Variants in ZNF558 observed in about 807,000 individuals in gnomAD.
ZNF558 encodes zinc finger protein 558.
Under a neutral mutation model 37.6 loss-of-function variants are expected in ZNF558, and 23 were observed. That is an observed-to-expected ratio of 0.61 (90% CI 0.44 to 0.87). The LOEUF is 0.87. ZNF558 is among the 40% of genes least tolerant of loss of function. ZNF558 has a pLI of 0.00. For missense variants in ZNF558, 429 were observed against 483.7 expected, an observed-to-expected ratio of 0.89 and a Z score of 1.06; for synonymous variants, 189 against 174.4, an observed-to-expected ratio of 1.08 and a Z score of -0.66.
intron 2 of ZNF558, among the ~76,000 whole-genome samples, chr19:8,826,545 A>C (rs2044235877): frequency 1.3e-5 from 2 of 152,072 alleles, no homozygotes; most frequent in African/African-American, 2.4e-5. Flanking sequence ...TGAGAATCGA[A>C]TGCTGCCACT....
Position 8,813,155 on chromosome 19 carries a change from T to C in ZNF558, c.315A>G (p.Glu105=), listed in dbSNP as rs149676933. Residue 105 remains glutamate, a synonymous_variant, in exon 8 of 10, where the codon GAA becomes GAG. Coordinates refer to ENST00000601372, the MANE Select transcript of ZNF558 (RefSeq NM_144693.3). ...GACAGGTGCTTGGTAGAATTCCTCT[T>C]TCCTCTGTCACCACCTTCTTGTCTT... ...LEQDKKVVTE[E]RGILPSTCPD... 3 of 1,597,008 alleles carry C rather than the reference T, an allele frequency of 1.9e-6. No homozygotes were observed. The African/African-American group carries it at 4.0e-5, about 21-fold the overall frequency.
chr19:8,834,712 A>G (rs1418931546), upstream of ZNF558, among the ~76,000 whole-genome samples: 4 of 152,240 alleles, frequency 2.6e-5, no homozygotes, highest in South Asian at 6.2e-4. Context: ...CACACCATGT[A>G]CAAAAGTGAG....
At chr19:8,813,937 T>C (rs1337368852) in intron 7 of ZNF558, among the ~76,000 whole-genome samples, 3 of 152,216 alleles carry the variant, frequency 2.0e-5, no homozygotes, top group Non-Finnish European at 4.4e-5. Context: ...CCCAAGTCAC[T>C]GCACAGACCT....
rs1555766317 is a variant in ZNF558 at position 8,806,233 on chromosome 19, G to C, written c.*5048C>G. On this transcript the variant is annotated 3_prime_UTR_variant, in exon 10 of 10. Transcript: ENST00000601372. ...ACATAAAAGTTGTAAAACTATACAG[G>C]GTTGTTTTATACAGTCAGTACTGAT... 1.3e-5 allele frequency: 2 copies of C among 152,058 alleles called. No homozygotes were observed. The highest frequency in any genetic ancestry group is 4.8e-5 in the African/African-American group (2 of 41,388). The allele number at this position is 152,058 out of a possible 1,614,324, so 9.4% of individuals were successfully genotyped here.
chr19:8,816,633 C>A (rs976282650), intron 7 of ZNF558, among the ~76,000 whole-genome samples: 1 of 152,138 alleles, frequency 6.6e-6, no homozygotes, highest in South Asian at 2.1e-4. Flanking sequence ...GTCACTATTA[C>A]ATCTACCCTA....
rs945772403 is a variant in ZNF558 at position 8,822,941 on chromosome 19, A to C, written c.-65-217T>G. On this transcript the variant is annotated intron_variant, in intron 4 of 9. Coordinates refer to ENST00000601372, the MANE Select transcript of ZNF558 (RefSeq NM_144693.3). The surrounding 1 kb of genome is among the most constrained non-coding windows in gnomAD (Gnocchi z 4.4). Reference sequence around the variant, plus strand: ...CAACACAACGACCAGTACCTCCCTGACCCACCCGCTTTGAGAACCTCGGCT... The same window carrying C: ...CAACACAACGACCAGTACCTCCCTGCCCCACCCGCTTTGAGAACCTCGGCT... 3.5e-5 allele frequency: 17 copies of C among 486,932 alleles called. No homozygotes were observed. Among genetic ancestry groups the C allele is most frequent in the African/African-American group, 7.7e-5 (4 of 51,622 alleles). The allele number at this position is 486,932 out of a possible 1,614,324, so 30.2% of individuals were successfully genotyped here. A position where few individuals can be genotyped will look rare whatever the true frequency, so the allele number is the denominator to read the frequency against.
At chr19:8,821,345 C>T in intron 6 of ZNF558, 39 bp from the exon 7 acceptor site, 9 of 1,614,134 alleles carry the variant, frequency 5.6e-6, no homozygotes, top group Non-Finnish European at 7.6e-6. Flanking sequence ...CCAAGGACCA[C>T]CCCCACCAAC....
At chr19:8,813,546 A>C (rs181358842) in intron 7 of ZNF558, among the ~76,000 whole-genome samples, 33 of 152,204 alleles carry the variant, frequency 2.2e-4, no homozygotes, top group Non-Finnish European at 3.5e-4. Flanking sequence ...TTTAGTAGAG[A>C]CGGGGTTTCA....
chr19:8,817,236 C>A (rs186307905), intron 7 of ZNF558, among the ~76,000 whole-genome samples: 324 of 152,226 alleles, frequency 2.1e-3, no homozygotes, highest in African/African-American at 7.6e-3. Flanking sequence ...TAAAAAATAA[C>A]CCAATTACAG....
upstream of ZNF558, among the ~76,000 whole-genome samples, chr19:8,834,628 CA>C (rs112624934): frequency 5.8e-5 from 8 of 138,336 alleles, no homozygotes; most frequent in South Asian, 2.4e-4. Flanking sequence ...AAACCAAAAC[CA>C]AAAAAAAACA....
At position 8,813,236 on chromosome 19, in the gene ZNF558, C is replaced by T. The variant is rs1555769083; in HGVS notation, c.248-14G>A. ...TAACACGACACCCTATTTATGGAAA[C>T]AATACACATGATATAGGTAACAGTG... On this transcript the variant is annotated splice_polypyrimidine_tract_variant and intron_variant, in intron 7 of 9. Coordinates refer to ENST00000601372, the MANE Select transcript of ZNF558 (RefSeq NM_144693.3). 1.3e-6 allele frequency: 2 copies of T among 1,567,386 alleles called. No homozygotes were observed. The highest frequency in any genetic ancestry group is 2.7e-5 in the African/African-American group (2 of 74,268).
rs1176425521 is a variant in ZNF558 at position 8,809,309 on chromosome 19, G to A, written c.*1972C>T. 2.0e-5 allele frequency: 3 copies of A among 152,216 alleles called. No individual in the cohort carries two copies. Among genetic ancestry groups the A allele is most frequent in the Non-Finnish European group, 4.4e-5 (3 of 68,048 alleles). 9.4% of individuals were successfully genotyped at this position (152,216 alleles called of 1,614,324 possible). Reference sequence around the variant, plus strand: ...ATGTGAGGAGAACAAGCCAGGAGATGTTCCACACAGTGACTTCGACTTACT... The same window carrying A: ...ATGTGAGGAGAACAAGCCAGGAGATATTCCACACAGTGACTTCGACTTACT... On this transcript the variant is annotated 3_prime_UTR_variant, in exon 10 of 10. Transcript: ENST00000601372.
chr19:8,822,749 G>A lies in ZNF558; in HGVS notation c.-65-25C>T. 1.2e-6 allele frequency: 2 copies of A among 1,601,674 alleles called. No homozygotes were observed. Among genetic ancestry groups the A allele is most frequent in the Non-Finnish European group, 1.7e-6 (2 of 1,171,612 alleles). On this transcript the variant is annotated intron_variant, in intron 4 of 9. Transcript: ENST00000601372. This position sits in a 1 kb window ranked among gnomAD's most constrained non-coding sequence, Gnocchi z 4.4. ...TCTGGAAGAAACGGGAATGCTCCAA[G>A]TCTCCGTGGCCTCCTCCCTCTCGGG...
upstream of ZNF558, among the ~76,000 whole-genome samples, chr19:8,835,296 C>T (rs991038369): frequency 6.6e-6 from 1 of 152,110 alleles, no homozygotes; most frequent in Non-Finnish European, 1.5e-5. Flanking sequence ...AAGTGATCTG[C>T]CCACCTTGGC....
At chr19:8,826,375 A>T (rs2044231915) in intron 2 of ZNF558, among the ~76,000 whole-genome samples, 1 of 151,938 alleles carries the variant, frequency 6.6e-6, no homozygotes. Context: ...TCACCATAAT[A>T]TAGAGTCAGT....
At chr19:8,827,344 T>C (rs2044254299) in intron 2 of ZNF558, among the ~76,000 whole-genome samples, 1 of 152,130 alleles carries the variant, frequency 6.6e-6, no homozygotes, top group Non-Finnish European at 1.5e-5. Flanking sequence ...AATCATCTGA[T>C]TCCTAAACTA....
At chr19:8,831,517 T>C (rs982866887) in intron 1 of ZNF558, 116 bp from the exon 2 acceptor site, 6 of 152,214 alleles carry the variant, frequency 3.9e-5, no homozygotes, top group African/African-American at 1.4e-4. Flanking sequence ...TACTCAATGA[T>C]TAAATGTGTA....
Position 8,809,484 on chromosome 19 carries a change from AC to A in ZNF558, c.*1796del, listed in dbSNP as rs2043734351. On this transcript the variant is annotated 3_prime_UTR_variant, in exon 10 of 10. Coordinates refer to ENST00000601372, the MANE Select transcript of ZNF558 (RefSeq NM_144693.3). ...GAAGAGAACGGACACTGGGAAAGAA[AC>A]CAACAGTATTTGGCATACCAAGATA... The A allele has an allele frequency of 6.6e-6, 1 of 152,334 alleles. No homozygotes were observed. The highest frequency in any genetic ancestry group is 1.5e-5 in the Non-Finnish European group (1 of 68,036). The allele number at this position is 152,334 out of a possible 1,614,324, so 9.4% of individuals were successfully genotyped here. A position where few individuals can be genotyped will look rare whatever the true frequency, so the allele number is the denominator to read the frequency against.
chr19:8,833,776 G>A (rs929297902), upstream of ZNF558, among the ~76,000 whole-genome samples: 1 of 152,118 alleles, frequency 6.6e-6, no homozygotes, highest in Admixed American at 6.6e-5. Flanking sequence ...ATCACCTGAG[G>A]TCAGGAGTTC....
Sources: gnomAD v4.1 joint callset for allele counts (sites outside exome capture counted in the v4.1 genomes callset) on GRCh38, gnomAD v4.1.1 for gene constraint, Gnocchi (gnomAD v3.1) non-coding constraint, MANE v1.5 for transcripts, NCBI Gene and HGNC (gene_info 2026-07-23, HGNC 2026-07-21) for gene names.